Variants in PIGS observed in about 807,000 individuals in gnomAD.
PIGS encodes the protein phosphatidylinositol glycan anchor biosynthesis class S, also known as GPI-anchor transamidase component PIGS.
In PIGS, 37 loss-of-function variants were observed where a neutral mutation model predicts 58.2. That is an observed-to-expected ratio of 0.64 (90% CI 0.49 to 0.84). The LOEUF (loss-of-function observed/expected upper bound fraction) is 0.84, where lower values mean the gene tolerates loss of function less well. PIGS is among the 40% of genes least tolerant of loss of function. PIGS has a pLI of 0.00. For synonymous variants in PIGS, 269 were observed against 289.2 expected, an observed-to-expected ratio of 0.93 and a Z score of 0.71; for missense variants, 629 against 710.8, an observed-to-expected ratio of 0.88 and a Z score of 1.31.
At chr17:28,555,711 C>T in intron 10 of PIGS, 1 of 175,234 alleles carries the variant, frequency 5.7e-6, no homozygotes, top group East Asian at 1.7e-4. Flanking sequence ...TGGCTCACGC[C>T]TGTAATCCCA....
At chr17:28,560,977 G>A (rs1012398189) in intron 6 of PIGS, among the ~76,000 whole-genome samples, 1 of 151,816 alleles carries the variant, frequency 6.6e-6, no homozygotes, top group Non-Finnish European at 1.5e-5. Context: ...AAATAAATAG[G>A]CCAGGTGTGG....
intron 6 of PIGS, 28 bp downstream of exon 6, chr17:28,561,394 C>T (rs1486997826): frequency 6.2e-7 from 1 of 1,611,342 alleles, no homozygotes; most frequent in East Asian, 2.2e-5. Flanking sequence ...TTTCCTCTCC[C>T]TTCATGTGGC....
At position 28,570,794 on chromosome 17, in the gene PIGS, A is replaced by G. The variant is rs1161429378; in HGVS notation, c.286+58T>C. 3 of 1,553,532 alleles carry G rather than the reference A, an allele frequency of 1.9e-6. No individual in the cohort carries two copies. The African/African-American group carries it at 4.1e-5, about 21-fold the overall frequency. On this transcript the variant is annotated intron_variant, in intron 3 of 11. Coordinates refer to ENST00000308360, the MANE Select transcript of PIGS (RefSeq NM_033198.4). ...TGGTACACCCCCGCTCCTCCCACCC[A>G]ACTCAGCTCTGAACTGAGCTCAGAG...
At chr17:28,564,320 C>T (rs1228082753) in intron 3 of PIGS, among the ~76,000 whole-genome samples, 1 of 152,174 alleles carries the variant, frequency 6.6e-6, no homozygotes, top group African/African-American at 2.4e-5. Context: ...GTAATCCCAG[C>T]AATTTGGGAG....
intron 9 of PIGS, 161 bp downstream of exon 9, chr17:28,556,666 G>T: frequency 1.1e-6 from 1 of 922,898 alleles, no homozygotes; most frequent in Non-Finnish European, 1.6e-6. Context: ...GCCGGCAGAA[G>T]AGGGGCATGA....
chr17:28,555,980 T>A (rs922707390), intron 10 of PIGS, 186 bp downstream of exon 10: 16 of 573,080 alleles, frequency 2.8e-5, no homozygotes, highest in African/African-American at 2.3e-4. Context: ...AAAAAAAAAA[T>A]AAATGATTTT....
chr17:28,553,972 G>A lies in PIGS; in HGVS notation c.*248C>T. 1.9e-6 allele frequency: 1 copy of A among 538,348 alleles called. No individual in the cohort carries two copies. The highest frequency in any genetic ancestry group is 3.3e-6 in the Non-Finnish European group (1 of 301,236). 33.3% of individuals were successfully genotyped at this position (538,348 alleles called of 1,614,324 possible). A position where few individuals can be genotyped will look rare whatever the true frequency, so the allele number is the denominator to read the frequency against. On this transcript the variant is annotated 3_prime_UTR_variant, in exon 12 of 12. Coordinates refer to ENST00000308360, the MANE Select transcript of PIGS (RefSeq NM_033198.4). ...GACAGGCAGCAGCCTTATCAAACAA[G>A]ATAAGGAGACCCGGATGATGTGCCT...
chr17:28,565,539 TA>T (rs2070388974), intron 3 of PIGS, among the ~76,000 whole-genome samples: 1 of 152,208 alleles, frequency 6.6e-6, no homozygotes, highest in African/African-American at 2.4e-5. Flanking sequence ...CTTTTCTTTA[TA>T]AAAGAATTCC....
At chr17:28,565,083 C>A (rs1192699763) in intron 3 of PIGS, among the ~76,000 whole-genome samples, 1 of 152,042 alleles carries the variant, frequency 6.6e-6, no homozygotes, top group Admixed American at 6.6e-5. Flanking sequence ...GATAAAATGG[C>A]CACTTTGAAG....
At chr17:28,562,581 C>A (rs965937812) in intron 5 of PIGS, among the ~76,000 whole-genome samples, 1 of 151,962 alleles carries the variant, frequency 6.6e-6, no homozygotes, top group Non-Finnish European at 1.5e-5. Context: ...CTACAGGCAC[C>A]CACCACCACG....
chr17:28,558,706 C>G lies in PIGS; in HGVS notation c.820-116G>C, dbSNP rs111282758. ...TCAGGACAAGGCAACATATAAGAGA[C>G]AAAATCAGGGCTGAGAGAAAATAAT... On this transcript the variant is annotated intron_variant, in intron 7 of 11. Coordinates refer to ENST00000308360, the MANE Select transcript of PIGS (RefSeq NM_033198.4). 9 of 756,326 alleles carry G rather than the reference C, an allele frequency of 1.2e-5. No individual in the cohort carries two copies. In the South Asian group the frequency reaches 1.4e-4, roughly 11 times the overall value. 46.9% of individuals were successfully genotyped at this position (756,326 alleles called of 1,614,324 possible). A position where few individuals can be genotyped will look rare whatever the true frequency, so the allele number is the denominator to read the frequency against.
In PIGS at chr17:28,571,049, C is replaced by G. The variant is rs1243182982; in HGVS notation, c.174G>C (p.Gln58His). 1.9e-6 allele frequency: 3 copies of G among 1,614,210 alleles called. No homozygotes were observed. In the South Asian group the frequency reaches 3.3e-5, roughly 18 times the overall value. The change falls in exon 2 of 12, where the codon CAG (glutamine) becomes CAC (histidine). Residue 58 changes from glutamine to histidine, a missense_variant and splice_region_variant. Transcript: ENST00000308360. ...YSQISGLNAL[Q>H]LRLMVPVTVV... ...CGACCCTCCCGCACAGCAGTCTCAC[C>G]TGAAGGGCATTCAGGCCACTGATCT...
intron 3 of PIGS, among the ~76,000 whole-genome samples, chr17:28,569,352 C>A (rs1177865728): frequency 3.3e-5 from 5 of 151,022 alleles, no homozygotes; most frequent in Non-Finnish European, 7.4e-5. Flanking sequence ...CGGCTGTAGT[C>A]CCAGCTATTA....
intron 6 of PIGS, 86 bp from the exon 7 acceptor site, chr17:28,560,277 T>C: frequency 6.8e-7 from 1 of 1,471,816 alleles, no homozygotes; most frequent in Non-Finnish European, 9.2e-7. Context: ...GCTGAACTTG[T>C]TTCTCCTCTG....
At chr17:28,565,322 T>G (rs896410321) in intron 3 of PIGS, among the ~76,000 whole-genome samples, 1 of 152,102 alleles carries the variant, frequency 6.6e-6, no homozygotes, top group Admixed American at 6.5e-5. Flanking sequence ...CTTCAAGACT[T>G]TACTGAAGGA....
intron 3 of PIGS, among the ~76,000 whole-genome samples, chr17:28,570,070 GCAATCT>G (rs2070417851): frequency 1.3e-5 from 2 of 152,096 alleles, no homozygotes; most frequent in African/African-American, 4.8e-5. Context: ...TTTACTAAGT[GCAATCT>G]CTGTTTCTTG....
At chr17:28,568,322 C>A (rs918073803) in intron 3 of PIGS, among the ~76,000 whole-genome samples, 1 of 152,106 alleles carries the variant, frequency 6.6e-6, no homozygotes, top group Non-Finnish European at 1.5e-5. Flanking sequence ...GGGCTGGTCT[C>A]AAACTCCTGA....
At chr17:28,569,589 C>CA (rs2070415497) in intron 3 of PIGS, among the ~76,000 whole-genome samples, 1 of 152,134 alleles carries the variant, frequency 6.6e-6, no homozygotes, top group South Asian at 2.1e-4. Flanking sequence ...CAGTCATTCC[C>CA]AGTCTTTCAC....
chr17:28,561,338 A>G, intron 6 of PIGS, 84 bp downstream of exon 6: 1 of 1,239,752 alleles, frequency 8.1e-7, no homozygotes, highest in Non-Finnish European at 1.1e-6. Flanking sequence ...AGAAGAAAGG[A>G]GAAAGAAGTT....
Sources: allele counts gnomAD v4.1 joint callset (sites outside exome capture counted in the v4.1 genomes callset), GRCh38; gene constraint gnomAD v4.1.1; transcripts MANE v1.5; gene names NCBI Gene and HGNC (gene_info 2026-07-23, HGNC 2026-07-21).